Variants in PAFAH1B1 observed in about 807,000 individuals in gnomAD.
The protein encoded by PAFAH1B1 is platelet-activating factor acetylhydrolase IB subunit beta.
A neutral mutation model predicts 57.5 loss-of-function variants in PAFAH1B1; 2 were observed. The ratio of observed to expected loss-of-function variants is 0.03; its 90% CI spans 0.01 to 0.11. PAFAH1B1 has a LOEUF of 0.11. Among genes scored for constraint, PAFAH1B1 ranks in the 10% least tolerant of loss-of-function variants. The pLI is 1.00. For synonymous variants in PAFAH1B1, 152 were observed against 169.6 expected (o/e 0.90, Z 0.81); for missense variants, 257 against 512.0 (o/e 0.50, Z 4.81).
intron 1 of PAFAH1B1, among the ~76,000 whole-genome samples, chr17:2,619,534 C>CTGTTTTTTT (rs1555521960): frequency 6.7e-6 from 1 of 149,190 alleles, no homozygotes; most frequent in Non-Finnish European, 1.5e-5. Context: ...TGGCCCTTAC[C>CTGTTTTTTT]TGTTTTTTTT....
At chr17:2,680,667 A>G (rs1219688915) in intron 10 of PAFAH1B1, among the ~76,000 whole-genome samples, 2 of 152,200 alleles carry the variant, frequency 1.3e-5, no homozygotes, top group African/African-American at 4.8e-5. Flanking sequence ...TCCCACTGGC[A>G]GGTGTATACT....
intron 1 of PAFAH1B1, among the ~76,000 whole-genome samples, chr17:2,624,584 G>C (rs1343325211): frequency 6.6e-6 from 1 of 152,162 alleles, no homozygotes. Flanking sequence ...GTCAGATCTT[G>C]TGAGACTTAC....
chr17:2,643,378 CT>C (rs1212551151), intron 2 of PAFAH1B1, among the ~76,000 whole-genome samples: 16 of 152,174 alleles, frequency 1.1e-4, no homozygotes, highest in Admixed American at 9.2e-4. Flanking sequence ...CTCTGCCCCC[CT>C]AATAGCTGGG....
chr17:2,679,486 ATGGATGGATGGATGATTGGATGGATGG>A (rs2069334960), intron 9 of PAFAH1B1, among the ~76,000 whole-genome samples: 1 of 145,796 alleles, frequency 6.9e-6, no homozygotes, highest in Non-Finnish European at 1.5e-5. Flanking sequence ...GATTGGATGG[ATGGATGGATGGATGATTGGATGGATGG>A]ATGGATGGAT....
chr17:2,644,720 G>A (rs1282134573), intron 2 of PAFAH1B1, among the ~76,000 whole-genome samples: 1 of 152,064 alleles, frequency 6.6e-6, no homozygotes, highest in South Asian at 2.1e-4. Context: ...GTATTATTTG[G>A]AGGTATATGT....
At chr17:2,616,399 A>G (rs2068341098) in intron 1 of PAFAH1B1, among the ~76,000 whole-genome samples, 1 of 152,112 alleles carries the variant, frequency 6.6e-6, no homozygotes, top group African/African-American at 2.4e-5. Flanking sequence ...TGCTATTGTG[A>G]AGGCTTGCAA....
chr17:2,607,615 T>C (rs2068220777), intron 1 of PAFAH1B1, among the ~76,000 whole-genome samples: 1 of 151,478 alleles, frequency 6.6e-6, no homozygotes, highest in African/African-American at 2.4e-5. Context: ...ACCCGAGTAG[T>C]TGGGATCACA....
chr17:2,637,157 G>A (rs1373511698), intron 1 of PAFAH1B1, among the ~76,000 whole-genome samples: 22 of 152,110 alleles, frequency 1.4e-4, no homozygotes, highest in Admixed American at 1.4e-3. Flanking sequence ...TTCTAGATTG[G>A]TTGTCCCACA....
At chr17:2,659,886 G>T (rs1305855961) in intron 2 of PAFAH1B1, among the ~76,000 whole-genome samples, 13 of 152,168 alleles carry the variant, frequency 8.5e-5, no homozygotes, top group Non-Finnish European at 1.5e-5. Flanking sequence ...TTGATATCCT[G>T]TGGCTGCAGC....
At chr17:2,662,718 T>C (rs1486006792) in intron 2 of PAFAH1B1, among the ~76,000 whole-genome samples, 1 of 152,126 alleles carries the variant, frequency 6.6e-6, no homozygotes, top group Non-Finnish European at 1.5e-5. Context: ...TCTGATTCTT[T>C]ATAGTATTAC....
chr17:2,672,777 A>G lies in PAFAH1B1; in HGVS notation c.671+20A>G, dbSNP rs1597574019. ...AACTGGGTAAGTAAGTTTAGTTGAA[A>G]AGGCATCAGCGGCCAGGTGCAGTGG... is the stretch of plus-strand genomic sequence containing the variant. On this transcript the variant is annotated intron_variant, in intron 7 of 10. Transcript: ENST00000397195. 6.6e-7 allele frequency: 1 copy of G among 1,505,568 alleles called. No homozygotes were observed. The highest frequency in any genetic ancestry group is 2.3e-5 in the East Asian group (1 of 44,284). 93.3% of individuals were successfully genotyped at this position (1,505,568 alleles called of 1,614,324 possible).
intron 9 of PAFAH1B1, 129 bp downstream of exon 9, chr17:2,676,735 T>C: frequency 1.4e-6 from 1 of 706,102 alleles, no homozygotes; most frequent in Non-Finnish European, 2.6e-6. Flanking sequence ...ATAAAGATAG[T>C]TTTCCTTTAG....
intron 8 of PAFAH1B1, among the ~76,000 whole-genome samples, chr17:2,674,822 T>C (rs936693447): frequency 1.2e-4 from 18 of 152,294 alleles, no homozygotes; most frequent in African/African-American, 4.1e-4. Context: ...TTGTGATCTT[T>C]ATGGTTTTGG....
chr17:2,670,359 A>G (rs747022347), intron 6 of PAFAH1B1, 28 bp downstream of exon 6: 29 of 1,558,092 alleles, frequency 1.9e-5, no homozygotes, highest in Non-Finnish European at 2.3e-5. Flanking sequence ...GTGCTTTAAC[A>G]GTAATTTCTA....
At chr17:2,668,178 T>G (rs1032594082) in intron 5 of PAFAH1B1, among the ~76,000 whole-genome samples, 1 of 151,584 alleles carries the variant, frequency 6.6e-6, no homozygotes, top group African/African-American at 2.4e-5. Flanking sequence ...ACAAAAAAAT[T>G]AGCTGGGCAT....
chr17:2,644,368 C>T (rs2068738553), intron 2 of PAFAH1B1, among the ~76,000 whole-genome samples: 1 of 151,968 alleles, frequency 6.6e-6, no homozygotes, highest in Non-Finnish European at 1.5e-5. Context: ...ATGGTGAAAC[C>T]CCATCTCTAC....
At chr17:2,594,564 A>G (rs2068063566) in intron 1 of PAFAH1B1, among the ~76,000 whole-genome samples, 1 of 152,146 alleles carries the variant, frequency 6.6e-6, no homozygotes, top group South Asian at 2.1e-4. Context: ...CTGGTCCTTA[A>G]GATGGGGTTG....
chr17:2,654,356 AT>A (rs2068908835), intron 2 of PAFAH1B1, among the ~76,000 whole-genome samples: 1 of 150,592 alleles, frequency 6.6e-6, no homozygotes, highest in African/African-American at 2.4e-5. Flanking sequence ...CTCCCAGCTA[AT>A]TTTTGTATTT....
At chr17:2,618,512 A>G (rs1288348410) in intron 1 of PAFAH1B1, among the ~76,000 whole-genome samples, 2 of 151,810 alleles carry the variant, frequency 1.3e-5, no homozygotes, top group African/African-American at 4.8e-5. Flanking sequence ...ATGTAATCTC[A>G]TGGATTTAGC....
Sources: allele counts gnomAD v4.1 joint callset (sites outside exome capture counted in the v4.1 genomes callset), GRCh38; gene constraint gnomAD v4.1.1; transcripts MANE v1.5; gene names NCBI Gene and HGNC (gene_info 2026-07-23, HGNC 2026-07-21).